MAPK4: variants seen among roughly 807,000 people sequenced by gnomAD.
The protein encoded by MAPK4 is mitogen-activated protein kinase 4.
A neutral mutation model predicts 47.7 loss-of-function variants in MAPK4; 22 were observed. That is an observed-to-expected ratio of 0.46 (90% confidence interval 0.33 to 0.66). MAPK4 has a LOEUF of 0.66. Among genes scored for constraint, MAPK4 ranks in the 30% least tolerant of loss-of-function variants. The probability of loss-of-function intolerance (pLI) is 0.02; values close to 1 mark genes in which losing one functional copy is unlikely to be tolerated. For missense variants in MAPK4, 736 were observed against 831.7 expected (o/e 0.88, Z 1.42); for synonymous variants, 390 against 365.7 (o/e 1.07, Z -0.76).
intron 2 of MAPK4, chr18:50,670,159 A>C (rs1224184968): frequency 5.7e-5 from 1 of 17,584 alleles, no homozygotes; most frequent in Non-Finnish European, 4.5e-4. Flanking sequence ...ACTCCATCTC[A>C]AAAAAAAAAA....
chr18:50,726,057 T>A lies in MAPK4; in HGVS notation c.949T>A (p.Cys317Ser). 6.2e-7 allele frequency: 1 copy of A among 1,614,082 alleles called. No homozygotes were observed. Among genetic ancestry groups the A allele is most frequent in the South Asian group, 1.1e-5 (1 of 91,078 alleles). ...LQHPYMSPYS[C>S]PEDEPTSQHP... ...ACACCCCTACATGAGCCCATACTCG[T>A]GCCCTGAGGACGAGCCCACCTCACA... The change falls in exon 5 of 6, where the codon TGC becomes AGC. Residue 317 changes from cysteine to serine, a missense_variant. Cys to Ser is a moderately radical substitution (Grantham distance 112). Around this residue, in one of 3 missense-constraint regions of MAPK4, gnomAD observed 32 missense variants for 57.7 expected, o/e 0.55. Coordinates refer to ENST00000400384, the MANE Select transcript of MAPK4 (RefSeq NM_002747.4).
chr18:50,633,193 T>C (rs17718895), intron 1 of MAPK4, among the ~76,000 whole-genome samples: 24,508 of 152,188 alleles, frequency 0.16, 2,026 homozygotes, highest in Non-Finnish European at 0.18. Context: ...ATAAGAGAGA[T>C]GGAAAGGACA....
At chr18:50,681,700 A>G (rs1388304367) in intron 2 of MAPK4, among the ~76,000 whole-genome samples, 1 of 152,188 alleles carries the variant, frequency 6.6e-6, no homozygotes, top group Admixed American at 6.5e-5. Flanking sequence ...TTGTCTTGGA[A>G]TCTTTGCAAA....
intron 1 of MAPK4, among the ~76,000 whole-genome samples, chr18:50,624,246 A>G (rs557573929): frequency 6.6e-6 from 1 of 152,246 alleles, no homozygotes; most frequent in South Asian, 2.1e-4. Context: ...GAATGGATAT[A>G]TGAGTATATG....
rs554667517 is a variant in MAPK4, at chr18:50,650,400, G to A, written c.-870-12689G>A. Among the ~76,000 whole-genome samples the A allele has an allele frequency of 2.0e-5, 3 of 149,136 alleles. No individual in the cohort carries two copies. In the South Asian group the frequency reaches 6.3e-4, roughly 32 times the overall value. ...GTTTGTCCCTGCTCCCCTAGCCTGG[G>A]CCTGCACCCTGGCTCATATCATCAG... On this transcript the variant is annotated intron_variant, in intron 1 of 5. Transcript: ENST00000400384.
chr18:50,709,663 A>G (rs1222056622), intron 2 of MAPK4, among the ~76,000 whole-genome samples: 1 of 152,150 alleles, frequency 6.6e-6, no homozygotes, highest in South Asian at 2.1e-4. Flanking sequence ...ATTCACAAGC[A>G]TGTCATTGGG....
chr18:50,720,329 C>T (rs117009467), intron 3 of MAPK4, among the ~76,000 whole-genome samples: 256 of 152,248 alleles, frequency 1.7e-3, no homozygotes, highest in Middle Eastern at 3.4e-3. Flanking sequence ...GTATTTCTCC[C>T]GGAGCCTTCA....
At chr18:50,690,980 T>C (rs1323426323) in intron 2 of MAPK4, among the ~76,000 whole-genome samples, 2 of 151,936 alleles carry the variant, frequency 1.3e-5, no homozygotes, top group African/African-American at 4.8e-5. Context: ...GAAGGATTCA[T>C]GCTCAGTTGA....
rs117807129 is a variant in MAPK4 at position 50,674,160 on chromosome 18, G to A, written c.546+9656G>A. ...TTTTCAGTCCTGGTGTAAAGGACCC[G>A]ACCTTCAGTCATTGCTCCAGTCTCT... On this transcript the variant is annotated intron_variant, in intron 2 of 5. Coordinates refer to ENST00000400384, the MANE Select transcript of MAPK4 (RefSeq NM_002747.4). 5.3e-4 allele frequency among the ~76,000 whole-genome samples: 80 copies of A among 152,238 alleles called. 1 individual carries two copies. In the East Asian group the frequency reaches 9.3e-3, roughly 18 times the overall value.
At chr18:50,643,826 C>T (rs978943834) in intron 1 of MAPK4, among the ~76,000 whole-genome samples, 3 of 152,216 alleles carry the variant, frequency 2.0e-5, no homozygotes, top group Non-Finnish European at 4.4e-5. Context: ...GCATCCTCCA[C>T]GGCTGCCCCC....
At chr18:50,583,595 A>T (rs756069660) in intron 1 of MAPK4, among the ~76,000 whole-genome samples, 1 of 152,220 alleles carries the variant, frequency 6.6e-6, no homozygotes, top group African/African-American at 2.4e-5. Context: ...TCTCCAAAAA[A>T]CAAAAAACAG....
chr18:50,714,237 A>G (rs111457150), intron 2 of MAPK4, among the ~76,000 whole-genome samples: 247 of 152,348 alleles, frequency 1.6e-3, no homozygotes, highest in Non-Finnish European at 3.0e-3. Flanking sequence ...AGACTGTTCT[A>G]GGGAATTCAA....
chr18:50,614,399 T>C (rs962749391), intron 1 of MAPK4, among the ~76,000 whole-genome samples: 8 of 152,092 alleles, frequency 5.3e-5, no homozygotes, highest in Admixed American at 2.0e-4. Context: ...TATCTAAATA[T>C]CTAAAATTTA....
intron 2 of MAPK4, among the ~76,000 whole-genome samples, chr18:50,699,341 G>A (rs541746572): frequency 1.3e-5 from 2 of 152,238 alleles, no homozygotes; most frequent in African/African-American, 4.8e-5. Context: ...AACACATAAA[G>A]GTGTTCACTA....
intron 2 of MAPK4, among the ~76,000 whole-genome samples, chr18:50,687,026 C>T (rs544763675): frequency 6.6e-6 from 1 of 152,302 alleles, no homozygotes; most frequent in East Asian, 1.9e-4. Context: ...CATATAAAAA[C>T]ATAGATGAAA....
At chr18:50,587,875 C>G (rs2042402402) in intron 1 of MAPK4, among the ~76,000 whole-genome samples, 1 of 151,910 alleles carries the variant, frequency 6.6e-6, no homozygotes, top group African/African-American at 2.4e-5. Flanking sequence ...ATTACAGGCG[C>G]CCACCACCAC....
At chr18:50,670,669 A>G (rs568343140) in intron 2 of MAPK4, among the ~76,000 whole-genome samples, 2 of 151,410 alleles carry the variant, frequency 1.3e-5, no homozygotes, top group Admixed American at 1.3e-4. Flanking sequence ...AGGTAGGAGA[A>G]TCGCTTGAAC....
intron 1 of MAPK4, among the ~76,000 whole-genome samples, chr18:50,636,843 G>C (rs548900665): frequency 6.6e-6 from 1 of 152,148 alleles, no homozygotes; most frequent in Non-Finnish European, 1.5e-5. Flanking sequence ...ATGCTTTTGC[G>C]TATTGGTGTT....
intron 1 of MAPK4, among the ~76,000 whole-genome samples, chr18:50,651,046 G>T (rs565330530): frequency 3.9e-5 from 6 of 152,192 alleles, no homozygotes; most frequent in Non-Finnish European, 7.3e-5. Context: ...CAGTTGCCTG[G>T]GTTCCTGCTG....
Sources: allele counts gnomAD v4.1 joint callset (sites outside exome capture counted in the v4.1 genomes callset), GRCh38; gene constraint gnomAD v4.1.1; regional missense constraint gnomAD v4.1.1; transcripts MANE v1.5; gene names NCBI Gene and HGNC (gene_info 2026-07-23, HGNC 2026-07-21).